ZBED3: variants seen among roughly 807,000 people sequenced by gnomAD.
ZBED3 encodes zinc finger BED domain-containing protein 3.
For synonymous variants in ZBED3, 175 were observed against 180.0 expected, an observed-to-expected ratio of 0.97 and a Z score of 0.22; for missense variants, 388 against 362.9, an observed-to-expected ratio of 1.07 and a Z score of -0.56.
In ZBED3 at chr5:77,072,671, T is replaced by G. The variant is rs1026679183; in HGVS notation, c.*4503A>C. 3 of 152,202 alleles carry G rather than the reference T, an allele frequency of 2.0e-5. No individual in the cohort carries two copies. Among genetic ancestry groups the G allele is most frequent in the Non-Finnish European group, 4.4e-5 (3 of 68,036 alleles). The allele number at this position is 152,202 out of a possible 1,614,324, so 9.4% of individuals were successfully genotyped here. A position where few individuals can be genotyped will look rare whatever the true frequency, so the allele number is the denominator to read the frequency against. On this transcript the variant is annotated 3_prime_UTR_variant, in exon 3 of 3. Transcript: ENST00000255198. ...TGAGTTTTGACTGGAGCAGGTCATT[T>G]GGCAACTATTTGATAGAAAAATATT...
chr5:77,083,770 A>G (rs1276962529), intron 1 of ZBED3, among the ~76,000 whole-genome samples: 1 of 152,240 alleles, frequency 6.6e-6, no homozygotes, highest in Non-Finnish European at 1.5e-5. Context: ...CAAATAAAAA[A>G]GAGTAACAGA....
rs1742954025 is a variant in ZBED3 at position 77,075,317 on chromosome 5, G to A, written c.*1857C>T. ...GTTGGGGTTGTTGTAGACTGAAAGTGACTAGAGTTGAAACCAAAAGAATGT... is the reference window on the plus strand; with the variant it reads ...GTTGGGGTTGTTGTAGACTGAAAGTAACTAGAGTTGAAACCAAAAGAATGT... On this transcript the variant is annotated 3_prime_UTR_variant, in exon 3 of 3. Coordinates refer to ENST00000255198, the MANE Select transcript of ZBED3 (RefSeq NM_032367.4). 1 of 152,188 alleles carries A rather than the reference G, an allele frequency of 6.6e-6. No individual in the cohort carries two copies. The highest frequency in any genetic ancestry group is 1.9e-4 in the East Asian group (1 of 5,192). The allele number at this position is 152,188 out of a possible 1,614,324, so 9.4% of individuals were successfully genotyped here.
chr5:77,084,841 T>C (rs556513739), intron 1 of ZBED3, among the ~76,000 whole-genome samples: 42 of 152,348 alleles, frequency 2.8e-4, no homozygotes, highest in African/African-American at 9.9e-4. Context: ...AGTTCCTCAG[T>C]TGTATAACGA....
chr5:77,075,987 A>T lies in ZBED3; in HGVS notation c.*1187T>A, dbSNP rs5017743. The T allele has an allele frequency of 1.7e-4, 6 of 34,690 alleles. No individual in the cohort carries two copies. The highest frequency in any genetic ancestry group is 8.1e-4 in the African/African-American group (6 of 7,406). 2.1% of individuals were successfully genotyped at this position (34,690 alleles called of 1,614,324 possible). On this transcript the variant is annotated 3_prime_UTR_variant, in exon 3 of 3. Coordinates refer to ENST00000255198, the MANE Select transcript of ZBED3 (RefSeq NM_032367.4). ...TATATGTATATGTATATATGTATAT[A>T]TATATGTATATATGTATATATATAT...
intron 1 of ZBED3, among the ~76,000 whole-genome samples, chr5:77,084,456 G>A (rs1018629279): frequency 3.3e-5 from 5 of 152,136 alleles, no homozygotes; most frequent in East Asian, 1.9e-4. Context: ...GGTAAGAAGT[G>A]CCTTTCGCCT....
At chr5:77,080,312 G>A (rs1743102509) in intron 1 of ZBED3, 2 of 388,178 alleles carry the variant, frequency 5.2e-6, no homozygotes, top group South Asian at 3.9e-5. Context: ...AGGGAGTGTC[G>A]CACAGGTGAA....
In ZBED3 at chr5:77,075,518, A is replaced by G. The variant is rs1742957914; in HGVS notation, c.*1656T>C. 1 of 152,142 alleles carries G rather than the reference A, an allele frequency of 6.6e-6. No homozygotes were observed. The highest frequency in any genetic ancestry group is 2.1e-4 in the South Asian group (1 of 4,820). The allele number at this position is 152,142 out of a possible 1,614,324, so 9.4% of individuals were successfully genotyped here. A position where few individuals can be genotyped will look rare whatever the true frequency, so the allele number is the denominator to read the frequency against. On this transcript the variant is annotated 3_prime_UTR_variant, in exon 3 of 3. Transcript: ENST00000255198. ...GTAGAACGGTGTCTTTGTGCTCAGG[A>G]AATCTATGTGGTAATACTCAGGGGT...
rs776201158 is a variant in ZBED3, at chr5:77,080,575, CA to C, written c.-152-1848del. 4 of 519,130 alleles carry C rather than the reference CA, an allele frequency of 7.7e-6. 1 individual carries two copies. Among genetic ancestry groups the C allele is most frequent in the Non-Finnish European group, 1.5e-5 (4 of 260,026 alleles). The allele number at this position is 519,130 out of a possible 1,614,324, so 32.2% of individuals were successfully genotyped here. On this transcript the variant is annotated intron_variant, in intron 1 of 2. Transcript: ENST00000255198. ...GCCTCACCTTCTCAGTCCTCCACAT[CA>C]TGCGGCTATATTCTAGCTCAATACA...
rs1423317915 is a variant in ZBED3 at position 77,077,462 on chromosome 5, C to T, written c.417G>A (p.Leu139=). 13 of 1,207,934 alleles carry T rather than the reference C, an allele frequency of 1.1e-5. No individual in the cohort carries two copies. The highest frequency in any genetic ancestry group is 1.3e-5 in the Non-Finnish European group (13 of 973,090). The allele number at this position is 1,207,934 out of a possible 1,614,324, so 74.8% of individuals were successfully genotyped here. The change falls in exon 3 of 3, where the codon CTG becomes CTA. Residue 139 remains leucine, a synonymous_variant. Transcript: ENST00000255198. The stretch of plus-strand genomic sequence containing the variant: ...GCTCCCGCCGGCTGCCGCGCACGGC[C>T]AGCGCGCCCATCTGTTCCAGCAGGC... ...WARLLEQMGA[L]AVRGSRRERE... is the part of the protein sequence containing the mutation.
rs898659168 is a variant in ZBED3, at chr5:77,076,638, C to T, written c.*536G>A. 6.6e-6 allele frequency: 1 copy of T among 151,898 alleles called. No individual in the cohort carries two copies. The highest frequency in any genetic ancestry group is 2.4e-5 in the African/African-American group (1 of 41,320). The allele number at this position is 151,898 out of a possible 1,614,324, so 9.4% of individuals were successfully genotyped here. On this transcript the variant is annotated 3_prime_UTR_variant, in exon 3 of 3. Transcript: ENST00000255198. ...CAGTCATGGAAACTAGAGGGGACGT[C>T]CCTCACCCACCCTTCAGAACTTGGT... is the stretch of plus-strand genomic sequence containing the variant.
chr5:77,086,790 A>G (rs1580151948), intron 1 of ZBED3: 1 of 152,308 alleles, frequency 6.6e-6, no homozygotes, highest in East Asian at 1.9e-4. Context: ...AAAGACTGTA[A>G]TCAGACAACT....
intron 1 of ZBED3, among the ~76,000 whole-genome samples, chr5:77,085,480 C>G (rs1743218830): frequency 6.6e-6 from 1 of 152,236 alleles, no homozygotes. Context: ...AGGCTACTTA[C>G]TGTAGTTGGG....
rs557207344 is a variant in ZBED3, at chr5:77,077,171, C to A, written c.*3G>T. On this transcript the variant is annotated 3_prime_UTR_variant, in exon 3 of 3. Transcript: ENST00000255198. ...GTCCTGGGGTGGGGAAGTGGCCACA[C>A]CCCTACAGGAGGACCTTTGTGATGA... 2.9e-5 allele frequency: 42 copies of A among 1,469,178 alleles called. No homozygotes were observed. In the African/African-American group the frequency reaches 4.3e-4, roughly 15 times the overall value. The allele number at this position is 1,469,178 out of a possible 1,614,324, so 91.0% of individuals were successfully genotyped here. A position where few individuals can be genotyped will look rare whatever the true frequency, so the allele number is the denominator to read the frequency against.
In ZBED3 at chr5:77,075,976, T is replaced by C. The variant is rs1325672994; in HGVS notation, c.*1198A>G. 53 of 34,796 alleles carry C rather than the reference T, an allele frequency of 1.5e-3. 12 individuals are homozygous for C. Among genetic ancestry groups the C allele is most frequent in the Admixed American group, 5.2e-3 (14 of 2,688 alleles). 2.2% of individuals were successfully genotyped at this position (34,796 alleles called of 1,614,324 possible). On this transcript the variant is annotated 3_prime_UTR_variant, in exon 3 of 3. Transcript: ENST00000255198. ...ATATATATATATATATGTATATGTA[T>C]ATATGTATATATATATGTATATATG... is the stretch of plus-strand genomic sequence containing the variant.
intron 1 of ZBED3, among the ~76,000 whole-genome samples, chr5:77,080,083 G>GGAT (rs1489619552): frequency 6.6e-6 from 1 of 152,014 alleles, no homozygotes; most frequent in African/African-American, 2.4e-5. Context: ...AAATTAAAAG[G>GGAT]GATGTAAACG....
chr5:77,083,200 C>T (rs1045857443), intron 1 of ZBED3, among the ~76,000 whole-genome samples: 1 of 152,182 alleles, frequency 6.6e-6, no homozygotes, highest in Non-Finnish European at 1.5e-5. Flanking sequence ...CATGTGAGCT[C>T]AGGCAGGGCC....
rs1413197665 is a variant in ZBED3 at position 77,072,457 on chromosome 5, A to G, written c.*4717T>C. 6.6e-6 allele frequency: 1 copy of G among 152,204 alleles called. No homozygotes were observed. The highest frequency in any genetic ancestry group is 1.9e-4 in the East Asian group (1 of 5,188). The allele number at this position is 152,204 out of a possible 1,614,324, so 9.4% of individuals were successfully genotyped here. A position where few individuals can be genotyped will look rare whatever the true frequency, so the allele number is the denominator to read the frequency against. Reference sequence around the variant, plus strand: ...TGGAAAGAGGAGTATTTGCCAACTCAAGGATGTTTTAAAGAATGTGCTAGG... The same window carrying G: ...TGGAAAGAGGAGTATTTGCCAACTCGAGGATGTTTTAAAGAATGTGCTAGG... On this transcript the variant is annotated 3_prime_UTR_variant, in exon 3 of 3. Transcript: ENST00000255198.
rs1743001837 is a variant in ZBED3 at position 77,076,274 on chromosome 5, C to G, written c.*900G>C. The G allele has an allele frequency of 6.6e-6, 1 of 151,334 alleles. No homozygotes were observed. Among genetic ancestry groups the G allele is most frequent in the African/African-American group, 2.4e-5 (1 of 41,086 alleles). 9.4% of individuals were successfully genotyped at this position (151,334 alleles called of 1,614,324 possible). On this transcript the variant is annotated 3_prime_UTR_variant, in exon 3 of 3. Transcript: ENST00000255198. ...GGGGGAATACTACAGGAGGAAAGACCCAGTAAACGTGGGAGAGGAATGGGA... is the reference window on the plus strand; with the variant it reads ...GGGGGAATACTACAGGAGGAAAGACGCAGTAAACGTGGGAGAGGAATGGGA...
Position 77,077,392 on chromosome 5 carries a change from C to T in ZBED3, c.487G>A (p.Ala163Thr), listed in dbSNP as rs1376725093. The change falls in exon 3 of 3, where the codon GCC becomes ACC. Residue 163 changes from alanine (A) to threonine (T), a missense_variant. Transcript: ENST00000255198. ...RELAVEQGER[A>T]LERRRRALQE... ...AGCGCCCTCCGCCTCCGCTCCAGGG[C>T]GCGCTCGCCCTGCTCCACGGCCAGC... The T allele has an allele frequency of 4.8e-6, 6 of 1,247,980 alleles. No individual in the cohort carries two copies. The highest frequency in any genetic ancestry group is 6.0e-6 in the Non-Finnish European group (6 of 996,454). 77.3% of individuals were successfully genotyped at this position (1,247,980 alleles called of 1,614,324 possible).
Sources: gnomAD v4.1 joint callset for allele counts (sites outside exome capture counted in the v4.1 genomes callset) on GRCh38, gnomAD v4.1.1 for gene constraint, MANE v1.5 for transcripts, NCBI Gene and HGNC (gene_info 2026-07-23, HGNC 2026-07-21) for gene names.